KIAA0319: variants seen among roughly 807,000 people sequenced by gnomAD.
The protein encoded by KIAA0319 is KIAA0319.
Under a neutral mutation model 108.4 loss-of-function variants are expected in KIAA0319, and 83 were observed. The observed-to-expected ratio is 0.77, with a 90% CI of 0.64 to 0.92. The LOEUF (loss-of-function observed/expected upper bound fraction) is 0.92, where lower values mean the gene tolerates loss of function less well. Ranked by LOEUF, KIAA0319 falls within the 40% of genes least tolerant of loss-of-function variation. The pLI is 0.00. For synonymous variants in KIAA0319, 484 were observed against 510.4 expected (o/e 0.95, Z 0.70); for missense variants, 1,195 against 1,322.4 (o/e 0.90, Z 1.49).
intron 8 of KIAA0319, among the ~76,000 whole-genome samples, 153 bp from the exon 9 acceptor site, chr6:24,578,395 C>G (rs111737860): frequency 2.6e-5 from 4 of 152,288 alleles, no homozygotes; most frequent in African/African-American, 9.6e-5. Context: ...GAAGGAGATT[C>G]TTTCCTACTC....
chr6:24,570,582 G>A (rs1370898232), intron 11 of KIAA0319, among the ~76,000 whole-genome samples: 3 of 68,208 alleles, frequency 4.4e-5, no homozygotes, highest in African/African-American at 8.4e-5. Flanking sequence ...AGCAAGATCC[G>A]TCTAAAAAAA....
chr6:24,631,852 T>C (rs1775624750), intron 1 of KIAA0319, among the ~76,000 whole-genome samples: 1 of 152,230 alleles, frequency 6.6e-6, no homozygotes, highest in East Asian at 1.9e-4. Context: ...CGCCAACGAC[T>C]ATGCAGCCCG....
intron 4 of KIAA0319, 140 bp downstream of exon 4, chr6:24,588,453 G>A (rs977852575): frequency 8.7e-5 from 61 of 704,612 alleles, no homozygotes; most frequent in Non-Finnish European, 1.4e-4. Flanking sequence ...TTTATTCCCA[G>A]TATGCAGCAC....
At position 24,559,152 on chromosome 6, in the gene KIAA0319, G is replaced by T. The variant is rs202215711; in HGVS notation, c.2595C>A (p.Thr865=). 1.9e-6 allele frequency: 3 copies of T among 1,612,496 alleles called. No individual in the cohort carries two copies. The highest frequency in any genetic ancestry group is 2.2e-5 in the South Asian group (2 of 90,904). ...QKIRAHSDLS[T]VIVFYVQSRP... ...TGCTCTGTACATAAAACACAATCAC[G>T]GTGCTGTGGAGGAGACAATGAGAGA... Residue 865 remains threonine (T), a synonymous_variant, in exon 17 of 21, where the codon ACC becomes ACA. Transcript: ENST00000378214.
intron 4 of KIAA0319, among the ~76,000 whole-genome samples, chr6:24,584,540 C>A (rs1767150919): frequency 6.6e-6 from 1 of 151,924 alleles, no homozygotes; most frequent in East Asian, 1.9e-4. Context: ...AGTCCTCAGT[C>A]CCTCGAGTGC....
intron 14 of KIAA0319, 141 bp from the exon 15 acceptor site, chr6:24,564,481 C>G: frequency 1.9e-6 from 2 of 1,041,242 alleles, no homozygotes; most frequent in Non-Finnish European, 2.8e-6. Context: ...ATGAGGCTGG[C>G]GGGATAGCTA....
chr6:24,572,457 T>C (rs1764855765), intron 11 of KIAA0319, 118 bp downstream of exon 11: 1 of 1,136,136 alleles, frequency 8.8e-7, no homozygotes, highest in South Asian at 1.6e-5. Context: ...ATTAGTTTTA[T>C]ATGGAGCTTT....
intron 1 of KIAA0319, among the ~76,000 whole-genome samples, chr6:24,605,593 A>G (rs139179613): frequency 2.8e-3 from 427 of 152,318 alleles, no homozygotes; most frequent in African/African-American, 9.6e-3. Context: ...GAGTGACAAA[A>G]TAGAACTTTT....
chr6:24,541,474 G>A (rs996999564), downstream of KIAA0319, among the ~76,000 whole-genome samples: 12 of 152,230 alleles, frequency 7.9e-5, no homozygotes, highest in African/African-American at 2.7e-4. Context: ...GGGGGTTAGA[G>A]CTTCAACCTA....
intron 1 of KIAA0319, among the ~76,000 whole-genome samples, chr6:24,603,825 G>C (rs1771011696): frequency 6.6e-6 from 1 of 152,156 alleles, no homozygotes; most frequent in Non-Finnish European, 1.5e-5. Flanking sequence ...CCTTGTTTTT[G>C]AGTTTAATCG....
rs532941795 is a variant in KIAA0319 at position 24,572,558 on chromosome 6, C to T, written c.1858+17G>A. ...TGCTTTAATCTCTGAGGCCAAATCTCTTTCTCCTCCACCTACCAGGCTGGA... is the reference window on the plus strand; with the variant it reads ...TGCTTTAATCTCTGAGGCCAAATCTTTTTCTCCTCCACCTACCAGGCTGGA... On this transcript the variant is annotated intron_variant, in intron 11 of 20. Transcript: ENST00000378214. 6.2e-7 allele frequency: 1 copy of T among 1,606,214 alleles called. No homozygotes were observed. The highest frequency in any genetic ancestry group is 1.7e-5 in the Admixed American group (1 of 57,752).
chr6:24,570,511 C>T (rs807523), intron 11 of KIAA0319, among the ~76,000 whole-genome samples: 14,020 of 151,672 alleles, frequency 0.092, 662 homozygotes, highest in African/African-American at 0.11. Flanking sequence ...TGGCATGAAC[C>T]CGGGAGGCGG....
At chr6:24,554,794 A>G (rs1010375186) in intron 18 of KIAA0319, among the ~76,000 whole-genome samples, 163 bp from the exon 19 acceptor site, 1 of 152,232 alleles carries the variant, frequency 6.6e-6, no homozygotes, top group Admixed American at 6.5e-5. Flanking sequence ...TAAAATACAG[A>G]TAAATCAAGA....
At chr6:24,551,386 G>C (rs1354055907) in intron 20 of KIAA0319, 48 bp downstream of exon 20, 2 of 1,347,162 alleles carry the variant, frequency 1.5e-6, no homozygotes, top group East Asian at 2.3e-5. Context: ...GCCTACCTAG[G>C]TTAAATCATA....
chr6:24,576,072 C>T (rs1428371106), intron 10 of KIAA0319, among the ~76,000 whole-genome samples: 2 of 152,014 alleles, frequency 1.3e-5, no homozygotes, highest in Non-Finnish European at 1.5e-5. Flanking sequence ...AAGGTTTCTC[C>T]CAATACGAAA....
rs1285179829 is a variant in KIAA0319 at position 24,558,406 on chromosome 6, T to TA, written c.2734+606dup. ...ATAGATAGATAGATAGATAGATAGA[T>TA]ATCTGAAACAAATTAAATTTTACTG... On this transcript the variant is annotated intron_variant, in intron 17 of 20. Coordinates refer to ENST00000378214, the MANE Select transcript of KIAA0319 (RefSeq NM_014809.4). Among the ~76,000 whole-genome samples, 6 of 147,176 alleles carry TA rather than the reference T, an allele frequency of 4.1e-5. No individual in the cohort carries two copies. The East Asian group carries it at 5.9e-4, about 14-fold the overall frequency.
At chr6:24,643,607 A>G (rs955928679) in intron 1 of KIAA0319, among the ~76,000 whole-genome samples, 1 of 152,184 alleles carries the variant, frequency 6.6e-6, no homozygotes, top group South Asian at 2.1e-4. Context: ...AAATTTATGC[A>G]TTTTATGATG....
Position 24,565,525 on chromosome 6 carries a change from C to T in KIAA0319, c.2292+1072G>A, listed in dbSNP as rs58979675. ...ATCCCAGTACTTTGGGAGGCCGAAG[C>T]GGGTGGATCACAAGGTCAAGAGATC... is the stretch of plus-strand genomic sequence containing the variant. On this transcript the variant is annotated intron_variant, in intron 14 of 20. Coordinates refer to ENST00000378214, the MANE Select transcript of KIAA0319 (RefSeq NM_014809.4). Among the ~76,000 whole-genome samples the T allele has an allele frequency of 7.5e-3, 1,146 of 151,932 alleles. 23 individuals are homozygous for T. The highest frequency in any genetic ancestry group is 0.026 in the African/African-American group (1,081 of 41,348).
chr6:24,570,603 T>A (rs1272095901), intron 11 of KIAA0319, among the ~76,000 whole-genome samples: 4 of 119,618 alleles, frequency 3.3e-5, no homozygotes, highest in Non-Finnish European at 5.2e-5. Context: ...AAAATCGTCA[T>A]AGGGTGAAAG....
Sources: allele counts gnomAD v4.1 joint callset (sites outside exome capture counted in the v4.1 genomes callset), GRCh38; gene constraint gnomAD v4.1.1; transcripts MANE v1.5; gene names NCBI Gene and HGNC (gene_info 2026-07-23, HGNC 2026-07-21).